Variants in GCNT1 observed in about 807,000 individuals in gnomAD.
GCNT1 encodes the protein glucosaminyl (N-acetyl) transferase 1, also known as beta-1,3-galactosyl-O-glycosyl-glycoprotein beta-1,6-N-acetylglucosaminyltransferase.
In GCNT1, 16 loss-of-function variants were observed where a neutral mutation model predicts 26.2. The ratio of observed to expected loss-of-function variants is 0.61; its 90% confidence interval spans 0.41 to 0.93. GCNT1 has a LOEUF of 0.93. Among genes scored for constraint, GCNT1 ranks in the 40% least tolerant of loss-of-function variants. GCNT1 has a pLI of 0.00. For synonymous variants in GCNT1, 183 were observed against 190.8 expected, an observed-to-expected ratio of 0.96 and a Z score of 0.34; for missense variants, 477 against 526.7, an observed-to-expected ratio of 0.91 and a Z score of 0.92.
At chr9:76,416,430 T>C (rs377346113), upstream of GCNT1, among the ~76,000 whole-genome samples, 2 of 152,184 alleles carry the variant, frequency 1.3e-5, no homozygotes, top group East Asian at 3.9e-4. Flanking sequence ...TCGTGCTGAC[T>C]CTCCTCTGAG....
intron 1 of GCNT1, among the ~76,000 whole-genome samples, chr9:76,459,824 G>T (rs1823833057): frequency 6.6e-6 from 1 of 152,130 alleles, no homozygotes; most frequent in Non-Finnish European, 1.5e-5. Context: ...TAGTTTAGGG[G>T]CTCCGAAGCC....
rs1192309429 is a variant in GCNT1 at position 76,505,283 on chromosome 9, G to A, written c.*1615G>A. 1 of 211,352 alleles carries A rather than the reference G, an allele frequency of 4.7e-6. No homozygotes were observed. The highest frequency in any genetic ancestry group is 1.0e-5 in the Non-Finnish European group (1 of 97,956). 13.1% of individuals were successfully genotyped at this position (211,352 alleles called of 1,614,324 possible). A position where few individuals can be genotyped will look rare whatever the true frequency, so the allele number is the denominator to read the frequency against. ...ACATTTTCATCTTATTGAGAGATATGTTTTTAAACTTTTATCATCATTTGT... is the reference window on the plus strand; with the variant it reads ...ACATTTTCATCTTATTGAGAGATATATTTTTAAACTTTTATCATCATTTGT... On this transcript the variant is annotated 3_prime_UTR_variant, in exon 4 of 4. Transcript: ENST00000376730.
chr9:76,451,548 T>A (rs915938753), intron 1 of GCNT1, among the ~76,000 whole-genome samples: 4 of 152,012 alleles, frequency 2.6e-5, no homozygotes, highest in South Asian at 2.1e-4. Flanking sequence ...TGTTTAAGGG[T>A]CAGGTATCTT....
chr9:76,432,623 C>G (rs960642185), intron 1 of GCNT1, among the ~76,000 whole-genome samples: 1 of 152,120 alleles, frequency 6.6e-6, no homozygotes, highest in South Asian at 2.1e-4. Flanking sequence ...TACAGGCGTG[C>G]TCCACTGTGC....
upstream of GCNT1, among the ~76,000 whole-genome samples, chr9:76,439,574 C>T (rs1217825590): frequency 4.0e-5 from 6 of 151,832 alleles, no homozygotes; most frequent in Admixed American, 1.3e-4. Context: ...AAAATTTTGT[C>T]TGCATTTCCT....
chr9:76,419,267 C>T (rs1823161213), upstream of GCNT1, among the ~76,000 whole-genome samples: 1 of 152,158 alleles, frequency 6.6e-6, no homozygotes, highest in Non-Finnish European at 1.5e-5. Context: ...CACTCCATGA[C>T]AACAGACTTT....
intron 1 of GCNT1, among the ~76,000 whole-genome samples, chr9:76,435,580 A>C (rs7875990): frequency 0.16 from 23,686 of 152,196 alleles, 1,881 homozygotes; most frequent in East Asian, 0.2. Flanking sequence ...GTTGATGGCC[A>C]TCTTCTCACT....
At chr9:76,399,220 G>A in the GCNT1 span, 9 of 1,498,746 alleles carry the variant, frequency 6.0e-6, no homozygotes, top group South Asian at 1.1e-5. Flanking sequence ...TGGGTTTGAT[G>A]TGGTAGATGC....
upstream of GCNT1, among the ~76,000 whole-genome samples, chr9:76,455,624 T>C (rs950985691): frequency 4.6e-5 from 7 of 152,036 alleles, no homozygotes; most frequent in African/African-American, 1.7e-4. Context: ...ATTTTTGAGA[T>C]GGAATCTTGC....
the GCNT1 span, among the ~76,000 whole-genome samples, chr9:76,400,586 C>T: frequency 6.6e-6 from 1 of 152,252 alleles, no homozygotes; most frequent in East Asian, 1.9e-4. Context: ...CACTCCTCAG[C>T]TCCTGCCTCT....
At chr9:76,436,598 CAAAAAA>C (rs1178497535) in intron 1 of GCNT1, among the ~76,000 whole-genome samples, 1 of 41,120 alleles carries the variant, frequency 2.4e-5, no homozygotes, top group South Asian at 9.8e-4. Context: ...GATTCCATCT[CAAAAAA>C]AAAAAAAAAA....
At chr9:76,457,312 G>A (rs941342101), upstream of GCNT1, among the ~76,000 whole-genome samples, 1 of 152,302 alleles carries the variant, frequency 6.6e-6, no homozygotes, top group Non-Finnish European at 1.5e-5. Context: ...GCAGTGGCAC[G>A]ATCTCAGCTC....
At chr9:76,489,348 C>A (rs605087) in intron 2 of GCNT1, among the ~76,000 whole-genome samples, 2 of 151,962 alleles carry the variant, frequency 1.3e-5, no homozygotes, top group Non-Finnish European at 2.9e-5. Context: ...AAAATGAAGC[C>A]GCAGACCTTT....
intron 2 of GCNT1, among the ~76,000 whole-genome samples, chr9:76,465,158 T>G (rs1044500023): frequency 5.3e-5 from 8 of 151,924 alleles, no homozygotes; most frequent in East Asian, 1.9e-4. Context: ...GATTTGAGTT[T>G]TTTTTTTTTT....
At chr9:76,428,093 C>T (rs1823279742) in intron 1 of GCNT1, among the ~76,000 whole-genome samples, 1 of 151,672 alleles carries the variant, frequency 6.6e-6, no homozygotes, top group African/African-American at 2.4e-5. Context: ...GGTGAAACCC[C>T]ATCTCTACTA....
chr9:76,450,154 G>A lies in GCNT1; in HGVS notation c.-290+7839G>A, dbSNP rs114918283. Among the ~76,000 whole-genome samples, 402 of 152,184 alleles carry A rather than the reference G, an allele frequency of 2.6e-3. 1 individual carries two copies. Among genetic ancestry groups the A allele is most frequent in the African/African-American group, 9.4e-3 (389 of 41,534 alleles). ...TCTGGCAATAATTTAATTGGTTCCC[G>A]CCATCCCCACCCTATGAAAATACCA... On this transcript the variant is annotated intron_variant, in intron 1 of 2. Transcript: ENST00000442371.
At chr9:76,484,672 A>G (rs944423380) in intron 2 of GCNT1, among the ~76,000 whole-genome samples, 5 of 151,996 alleles carry the variant, frequency 3.3e-5, no homozygotes, top group Non-Finnish European at 7.4e-5. Flanking sequence ...GCCTAGTATT[A>G]TTATGAAAAT....
upstream of GCNT1, among the ~76,000 whole-genome samples, chr9:76,457,213 C>T (rs1014472782): frequency 6.6e-5 from 10 of 152,208 alleles, no homozygotes; most frequent in African/African-American, 2.4e-4. Flanking sequence ...AAGCGTGAGC[C>T]ATTGCAAACA....
chr9:76,452,812 A>T (rs990626875), intron 1 of GCNT1, among the ~76,000 whole-genome samples: 1 of 152,110 alleles, frequency 6.6e-6, no homozygotes, highest in Non-Finnish European at 1.5e-5. Context: ...ATCACCCCCG[A>T]AGTGGGAAGG....
Sources: gnomAD v4.1 joint callset for allele counts (sites outside exome capture counted in the v4.1 genomes callset) on GRCh38, gnomAD v4.1.1 for gene constraint, MANE v1.5 for transcripts, NCBI Gene and HGNC (gene_info 2026-07-23, HGNC 2026-07-21) for gene names.